Variants in PPP2R5D observed in about 807,000 individuals in gnomAD.
PPP2R5D encodes the protein protein phosphatase 2 regulatory subunit B'delta, also known as serine/threonine-protein phosphatase 2A 56 kDa regulatory subunit delta isoform.
Under a neutral mutation model 79.1 loss-of-function variants are expected in PPP2R5D, and 12 were observed. The observed-to-expected ratio is 0.15, with a 90% CI of 0.10 to 0.25. The LOEUF (loss-of-function observed/expected upper bound fraction) is 0.25, where lower values mean the gene tolerates loss of function less well. PPP2R5D is among the 10% of genes least tolerant of loss of function. PPP2R5D has a pLI of 1.00. For synonymous variants in PPP2R5D, 277 were observed against 286.6 expected (o/e 0.97, Z 0.34); for missense variants, 419 against 760.2 (o/e 0.55, Z 5.28).
chr6:42,991,458 G>A (rs1270913622), intron 2 of PPP2R5D, among the ~76,000 whole-genome samples: 1 of 152,130 alleles, frequency 6.6e-6, no homozygotes, highest in Non-Finnish European at 1.5e-5. Context: ...AGGACCTCGC[G>A]AGGGCTTCTG....
At chr6:42,991,032 T>G (rs74975861) in intron 2 of PPP2R5D, among the ~76,000 whole-genome samples, 3,067 of 152,226 alleles carry the variant, frequency 0.02, 94 homozygotes, top group African/African-American at 0.068. Context: ...ATTCTAAATA[T>G]CTCCTTAATA....
At chr6:42,987,742 A>G (rs1472835567) in intron 1 of PPP2R5D, among the ~76,000 whole-genome samples, 2 of 152,214 alleles carry the variant, frequency 1.3e-5, no homozygotes, top group Non-Finnish European at 2.9e-5. Flanking sequence ...ACACCCACAC[A>G]CTAAGGCAGC....
intron 1 of PPP2R5D, among the ~76,000 whole-genome samples, chr6:42,985,198 C>T (rs1043944213): frequency 6.6e-6 from 1 of 152,184 alleles, no homozygotes; most frequent in African/African-American, 2.4e-5. Flanking sequence ...CTTTCCATGC[C>T]AAGCCCCTGA....
In PPP2R5D at chr6:43,008,979, G is replaced by C. The variant is rs1762228405; in HGVS notation, c.1081-78G>C. 2 of 1,518,118 alleles carry C rather than the reference G, an allele frequency of 1.3e-6. No homozygotes were observed. Among genetic ancestry groups the C allele is most frequent in the African/African-American group, 1.4e-5 (1 of 72,718 alleles). 94.0% of individuals were successfully genotyped at this position (1,518,118 alleles called of 1,614,324 possible). A position where few individuals can be genotyped will look rare whatever the true frequency, so the allele number is the denominator to read the frequency against. ...AAACTGTGCCCACCAGGGTGGGGGA[G>C]AGAGCAGGTAGGAAAACTTCCTGGT... On this transcript the variant is annotated intron_variant, in intron 10 of 15. Transcript: ENST00000485511. This position sits in a 1 kb window ranked among gnomAD's most constrained non-coding sequence, Gnocchi z 4.2.
chr6:43,011,046 G>A, intron 15 of PPP2R5D, 49 bp downstream of exon 15: 1 of 1,608,292 alleles, frequency 6.2e-7, no homozygotes. Flanking sequence ...GCTCTGGAAG[G>A]GAGAGGAGAC....
In PPP2R5D at chr6:43,007,161, G is replaced by C. The variant is rs368158244; in HGVS notation, c.523-35G>C. 2.6e-4 allele frequency: 420 copies of C among 1,614,116 alleles called. 2 individuals are homozygous for C. Among genetic ancestry groups the C allele is most frequent in the South Asian group, 2.0e-3 (182 of 91,084 alleles). On this transcript the variant is annotated intron_variant, in intron 4 of 15. Coordinates refer to ENST00000485511, the MANE Select transcript of PPP2R5D (RefSeq NM_006245.4). This position sits in a 1 kb window ranked among gnomAD's most constrained non-coding sequence, Gnocchi z 4.5. ...GGGACTGGTGAGGGGCTCTGGAGAA[G>C]CCCAGGTGGAGCTCTAACTGGCCCT...
At chr6:42,995,683 G>A (rs1384086490) in intron 2 of PPP2R5D, among the ~76,000 whole-genome samples, 1 of 150,976 alleles carries the variant, frequency 6.6e-6, no homozygotes, top group African/African-American at 2.4e-5. Flanking sequence ...CTCCCAAGTA[G>A]CTGGGACTAC....
chr6:43,005,352 T>C (rs1042785709), intron 2 of PPP2R5D, among the ~76,000 whole-genome samples: 66 of 152,062 alleles, frequency 4.3e-4, no homozygotes, highest in African/African-American at 1.6e-3. Flanking sequence ...GGTGTGATCA[T>C]AGCTCATGGG....
intron 1 of PPP2R5D, among the ~76,000 whole-genome samples, chr6:42,986,079 C>G (rs939671309): frequency 9.2e-5 from 14 of 152,132 alleles, no homozygotes; most frequent in Non-Finnish European, 8.8e-5. Flanking sequence ...GCCTGGCCCA[C>G]AGGCCAGTTC....
At chr6:43,011,041 G>A (rs975418812) in intron 15 of PPP2R5D, 44 bp downstream of exon 15, 1 of 1,608,156 alleles carries the variant, frequency 6.2e-7, no homozygotes, top group African/African-American at 1.3e-5. Context: ...TAATAGCTCT[G>A]GAAGGGAGAG....
intron 2 of PPP2R5D, among the ~76,000 whole-genome samples, chr6:42,998,009 T>TTTTA (rs778975941): frequency 1.5e-5 from 1 of 67,954 alleles, no homozygotes; most frequent in African/African-American, 1.4e-4. Context: ...AATATTTGGG[T>TTTTA]TTTATTTATA....
intron 2 of PPP2R5D, among the ~76,000 whole-genome samples, chr6:43,000,604 C>T (rs529349023): frequency 5.9e-5 from 9 of 152,284 alleles, no homozygotes; most frequent in African/African-American, 2.2e-4. Flanking sequence ...GAATGCCCCT[C>T]TCTGGCTGCC....
chr6:43,010,858 C>CT lies in PPP2R5D; in HGVS notation c.1555-21dup. On this transcript the variant is annotated intron_variant, in intron 14 of 15. Transcript: ENST00000485511. The surrounding 1 kb of genome is among the most constrained non-coding windows in gnomAD (Gnocchi z 4.7). ...CAAGCCTCTGAAGTGGCTCTTAACGCTTGTCCATGTCTCCTCACTCAGTAT... is the reference window on the plus strand; with the variant it reads ...CAAGCCTCTGAAGTGGCTCTTAACGCTTTGTCCATGTCTCCTCACTCAGTAT... The CT allele has an allele frequency of 6.2e-7, 1 of 1,608,060 alleles. No individual in the cohort carries two copies. The highest frequency in any genetic ancestry group is 8.5e-7 in the Non-Finnish European group (1 of 1,175,148).
At chr6:43,004,139 C>T (rs1181006395) in intron 2 of PPP2R5D, among the ~76,000 whole-genome samples, 1 of 152,140 alleles carries the variant, frequency 6.6e-6, no homozygotes, top group Non-Finnish European at 1.5e-5. Context: ...TCTCTTGCCT[C>T]AGCCTCCCAA....
In PPP2R5D at chr6:42,984,583, G is replaced by A; in HGVS notation, c.-95G>A. The stretch of plus-strand genomic sequence containing the variant: ...CTCGACCCGGGCGCAGCGCGCAGGC[G>A]GTGGCGAAGAGACGCCGAGCGGGCC... On this transcript the variant is annotated 5_prime_UTR_variant, in exon 1 of 16. Transcript: ENST00000485511. The A allele has an allele frequency of 6.8e-7, 1 of 1,472,720 alleles. No individual in the cohort carries two copies. The highest frequency in any genetic ancestry group is 1.4e-5 in the South Asian group (1 of 73,400). The allele number at this position is 1,472,720 out of a possible 1,614,324, so 91.2% of individuals were successfully genotyped here.
In PPP2R5D at chr6:42,998,011, TTATTTATATATATATA is replaced by T. The variant is rs1441542567; in HGVS notation, c.105+8327_105+8342del. On this transcript the variant is annotated intron_variant, in intron 2 of 15. Coordinates refer to ENST00000485511, the MANE Select transcript of PPP2R5D (RefSeq NM_006245.4). ...TTATTTATATTTGAATATTTGGGTT[TTATTTATATATATATA>T]TATATATATATATATATATATATAT... 7.9e-3 allele frequency among the ~76,000 whole-genome samples: 572 copies of T among 72,528 alleles called. 15 individuals are homozygous for T. The highest frequency in any genetic ancestry group is 0.021 in the African/African-American group (246 of 11,746). 47.6% of individuals were successfully genotyped at this position (72,528 alleles called of 152,430 possible).
chr6:42,989,723 A>G, intron 2 of PPP2R5D, 35 bp downstream of exon 2: 1 of 1,577,590 alleles, frequency 6.3e-7, no homozygotes, highest in South Asian at 1.1e-5. Flanking sequence ...GATGTGGTGC[A>G]GGTGCCACCC....
chr6:43,008,603 T>A lies in PPP2R5D; in HGVS notation c.1027-90T>A, dbSNP rs1222367912. On this transcript the variant is annotated intron_variant, in intron 9 of 15. Coordinates refer to ENST00000485511, the MANE Select transcript of PPP2R5D (RefSeq NM_006245.4). The surrounding 1 kb of genome is among the most constrained non-coding windows in gnomAD (Gnocchi z 4.2). ...GATAATTCCTTCCCTCCATCTCCCC[T>A]TCCCTTCTGGGATCTTGTTTCTATC... 6.6e-7 allele frequency: 1 copy of A among 1,509,760 alleles called. No homozygotes were observed. The highest frequency in any genetic ancestry group is 1.4e-5 in the African/African-American group (1 of 72,572). 93.5% of individuals were successfully genotyped at this position (1,509,760 alleles called of 1,614,324 possible).
chr6:43,009,449 A>G lies in PPP2R5D; in HGVS notation c.1379A>G (p.Lys460Arg), dbSNP rs142172312. The G allele has an allele frequency of 6.2e-7, 1 of 1,614,114 alleles. No individual in the cohort carries two copies. Among genetic ancestry groups the G allele is most frequent in the Non-Finnish European group, 8.5e-7 (1 of 1,180,028 alleles). The change falls in exon 12 of 16, where the codon AAG becomes AGG. Residue 460 changes from lysine to arginine, a missense_variant and splice_region_variant. Transcript: ENST00000485511. This position sits in a 1 kb window ranked among gnomAD's most constrained non-coding sequence, Gnocchi z 5.6. ...AGGAACTCCAAGAGCCACTGGAACA[A>G]GTAAGGCGCTGGGGTGGGGCTGGGT... ...LYRNSKSHWN[K>R]TIHGLIYNAL...
Sources: allele counts gnomAD v4.1 joint callset (sites outside exome capture counted in the v4.1 genomes callset), GRCh38; gene constraint gnomAD v4.1.1; non-coding constraint Gnocchi (gnomAD v3.1); transcripts MANE v1.5; gene names NCBI Gene and HGNC (gene_info 2026-07-23, HGNC 2026-07-21).